MARK3: variants seen among roughly 807,000 people sequenced by gnomAD.
MARK3 encodes the protein microtubule affinity regulating kinase 3, also known as MAP/microtubule affinity-regulating kinase 3.
In MARK3, 46 loss-of-function variants were observed where a neutral mutation model predicts 90.1. That is an observed-to-expected ratio of 0.51 (90% CI 0.40 to 0.65). The LOEUF (loss-of-function observed/expected upper bound fraction) is 0.65, where lower values mean the gene tolerates loss of function less well. MARK3 is among the 30% of genes least tolerant of loss of function. The pLI, the probability that MARK3 is intolerant of heterozygous loss-of-function variation, is 0.00. For synonymous variants in MARK3, 321 were observed against 332.6 expected, an observed-to-expected ratio of 0.97 and a Z score of 0.38; for missense variants, 818 against 947.2, an observed-to-expected ratio of 0.86 and a Z score of 1.79.
rs571611660 is a variant in MARK3, at chr14:103,460,073, C to CTTTTTTTTTTTTTTTTTTTTT, written c.484-2321_484-2301dup. Reference sequence around the variant, plus strand: ...AAAAAGAATAGATTTCCAGCTCCATCTTTTTTTTTTTTTTTTTTTTTTTTT... The same window carrying CTTTTTTTTTTTTTTTTTTTTT: ...AAAAAGAATAGATTTCCAGCTCCATCTTTTTTTTTTTTTTTTTTTTTTTTTTTTTTTTTTTTTTTTTTTTTT... On this transcript the variant is annotated intron_variant, in intron 6 of 17. Transcript: ENST00000429436. Among the ~76,000 whole-genome samples the CTTTTTTTTTTTTTTTTTTTTT allele has an allele frequency of 7.2e-4, 30 of 41,720 alleles. 6 individuals carry two copies. The highest frequency in any genetic ancestry group is 1.1e-3 in the Non-Finnish European group (29 of 25,344). The allele number at this position is 41,720 out of a possible 152,430, so 27.4% of individuals were successfully genotyped here.
chr14:103,484,168 T>TA (rs944910743), intron 14 of MARK3, among the ~76,000 whole-genome samples: 18 of 148,426 alleles, frequency 1.2e-4, no homozygotes, highest in African/African-American at 4.7e-4. Flanking sequence ...CTTTTCTTTT[T>TA]TTTTTTTCTT....
At chr14:103,477,374 C>T (rs2093732687) in intron 13 of MARK3, among the ~76,000 whole-genome samples, 1 of 151,990 alleles carries the variant, frequency 6.6e-6, no homozygotes, top group Non-Finnish European at 1.5e-5. Context: ...CTCCTGTAAT[C>T]CTAGCTATTC....
intron 2 of MARK3, among the ~76,000 whole-genome samples, chr14:103,418,821 T>C (rs538992293): frequency 6.6e-6 from 1 of 152,380 alleles, no homozygotes; most frequent in South Asian, 2.1e-4. Context: ...ACATGTTTTT[T>C]CAACATATTT....
intron 3 of MARK3, among the ~76,000 whole-genome samples, chr14:103,437,354 A>G (rs1353706296): frequency 3.3e-5 from 5 of 152,086 alleles, no homozygotes; most frequent in Non-Finnish European, 7.4e-5. Flanking sequence ...AGATCACGCC[A>G]CTGCACTCCA....
chr14:103,403,327 TGTGTGTGTGTG>T (rs1438561108), intron 1 of MARK3, among the ~76,000 whole-genome samples: 3 of 248 alleles, frequency 0.012, no homozygotes, highest in Admixed American at 0.062. Flanking sequence ...AGTGCCTGGT[TGTGTGTGTGTG>T]TGTGTGTGTG....
At chr14:103,397,878 A>G (rs1380177057) in intron 1 of MARK3, among the ~76,000 whole-genome samples, 1 of 152,104 alleles carries the variant, frequency 6.6e-6, no homozygotes, top group African/African-American at 2.4e-5. Flanking sequence ...ATGTGAGACT[A>G]TCTTCTTGTT....
chr14:103,441,866 A>G (rs930900022), intron 3 of MARK3, among the ~76,000 whole-genome samples: 3 of 152,134 alleles, frequency 2.0e-5, no homozygotes, highest in African/African-American at 4.8e-5. Context: ...TTTGAAAAGC[A>G]ATTATTTTTA....
intron 15 of MARK3, among the ~76,000 whole-genome samples, chr14:103,494,161 G>A (rs1461315557): frequency 6.6e-6 from 1 of 151,404 alleles, no homozygotes; most frequent in East Asian, 1.9e-4. Context: ...TTGAACCTGG[G>A]AGGCGGAGGT....
At chr14:103,429,958 T>C (rs1249154025) in intron 3 of MARK3, among the ~76,000 whole-genome samples, 2 of 152,228 alleles carry the variant, frequency 1.3e-5, no homozygotes, top group East Asian at 3.8e-4. Flanking sequence ...CCTTCTTGTT[T>C]GCTTGCTTCC....
At chr14:103,502,327 C>T (rs2075714122) in intron 17 of MARK3, among the ~76,000 whole-genome samples, 2 of 152,202 alleles carry the variant, frequency 1.3e-5, no homozygotes, top group Admixed American at 1.3e-4. Context: ...AATTAACAAA[C>T]CAGAGAGGAG....
At chr14:103,403,125 A>G (rs2091064001) in intron 1 of MARK3, among the ~76,000 whole-genome samples, 1 of 150,544 alleles carries the variant, frequency 6.6e-6, no homozygotes, top group Non-Finnish European at 1.5e-5. Context: ...TTCACACATG[A>G]AGGTTGAATT....
intron 12 of MARK3, 115 bp downstream of exon 12, chr14:103,468,301 T>A: frequency 1.6e-6 from 1 of 614,422 alleles, no homozygotes; most frequent in Non-Finnish European, 2.5e-6. Flanking sequence ...TGGCATTGCT[T>A]TCTTTCTTTC....
intron 2 of MARK3, among the ~76,000 whole-genome samples, chr14:103,427,074 T>C (rs1595617785): frequency 6.6e-6 from 1 of 152,070 alleles, no homozygotes; most frequent in Non-Finnish European, 1.5e-5. Flanking sequence ...TCTTTTTTTC[T>C]TGGTTTGGAG....
intron 2 of MARK3, among the ~76,000 whole-genome samples, chr14:103,425,920 A>C (rs992502286): frequency 6.6e-6 from 1 of 152,188 alleles, no homozygotes; most frequent in African/African-American, 2.4e-5. Context: ...CATAGGGAAT[A>C]AATAATGTGG....
chr14:103,472,647 C>CAAAAA (rs71126028), intron 12 of MARK3, among the ~76,000 whole-genome samples: 3 of 72,534 alleles, frequency 4.1e-5, no homozygotes, highest in Non-Finnish European at 5.4e-5. Context: ...GGCTCCATCT[C>CAAAAA]AAAAAAAAAA....
At chr14:103,449,241 G>T (rs1169712988) in intron 4 of MARK3, among the ~76,000 whole-genome samples, 3 of 151,160 alleles carry the variant, frequency 2.0e-5, no homozygotes, top group African/African-American at 7.3e-5. Flanking sequence ...TAATTGTATT[G>T]CATGAGTAGA....
At chr14:103,403,656 G>A (rs1436691556) in intron 1 of MARK3, among the ~76,000 whole-genome samples, 1 of 152,108 alleles carries the variant, frequency 6.6e-6, no homozygotes, top group Non-Finnish European at 1.5e-5. Context: ...AAACTAGACT[G>A]CAGTTGATGT....
At chr14:103,449,300 G>A (rs901865358) in intron 4 of MARK3, among the ~76,000 whole-genome samples, 2 of 151,130 alleles carry the variant, frequency 1.3e-5, no homozygotes, top group Admixed American at 6.6e-5. Context: ...AAGGGGCTGG[G>A]CACAGTGGCT....
chr14:103,418,238 T>C (rs1178838083), intron 2 of MARK3, among the ~76,000 whole-genome samples: 1 of 150,696 alleles, frequency 6.6e-6, no homozygotes, highest in East Asian at 1.9e-4. Context: ...TTTTTTTTTT[T>C]TTTTAGCTCT....
Sources: allele counts gnomAD v4.1 joint callset (sites outside exome capture counted in the v4.1 genomes callset), GRCh38; gene constraint gnomAD v4.1.1; transcripts MANE v1.5; gene names NCBI Gene and HGNC (gene_info 2026-07-23, HGNC 2026-07-21).